The following ARPC3 variants were observed in gnomAD, a reference collection of about 807,000 sequenced individuals.
The protein encoded by ARPC3 is actin-related protein 2/3 complex subunit 3.
Under a neutral mutation model 27.6 loss-of-function variants are expected in ARPC3, and 12 were observed. That is an observed-to-expected ratio of 0.43 (90% CI 0.28 to 0.70). The LOEUF (loss-of-function observed/expected upper bound fraction) is 0.70, where lower values mean the gene tolerates loss of function less well. Ranked by LOEUF, ARPC3 falls within the 30% of genes least tolerant of loss-of-function variation. ARPC3 has a pLI of 0.17. For missense variants in ARPC3, 153 were observed against 207.7 expected, an observed-to-expected ratio of 0.74 and a Z score of 1.62; for synonymous variants, 53 against 67.2, an observed-to-expected ratio of 0.79 and a Z score of 1.03.
Position 110,446,838 on chromosome 12 carries a change from ACCCCATGATCCACCCG to A in ARPC3, c.7-1303_7-1288del, listed in dbSNP as rs553448067. ...TGGTCAGGCTGGTCTCGAACTCCTG[ACCCCATGATCCACCCG>A]CCCCGGCCTCCCAAAGTGCTGGGAT... On this transcript the variant is annotated intron_variant, in intron 1 of 6. Transcript: ENST00000228825. Among the ~76,000 whole-genome samples, 363 of 141,830 alleles carry A rather than the reference ACCCCATGATCCACCCG, an allele frequency of 2.6e-3. 1 individual carries two copies. Among genetic ancestry groups the A allele is most frequent in the African/African-American group, 9.2e-3 (343 of 37,446 alleles). The allele number at this position is 141,830 out of a possible 152,430, so 93.0% of individuals were successfully genotyped here.
intron 2 of ARPC3, among the ~76,000 whole-genome samples, chr12:110,441,809 TC>T (rs1473670530): frequency 6.6e-6 from 1 of 151,690 alleles, no homozygotes; most frequent in African/African-American, 2.4e-5. Flanking sequence ...GACGGGTGGA[TC>T]ACCTGAGGTC....
At chr12:110,445,660 T>C in intron 1 of ARPC3, 109 bp from the exon 2 acceptor site, 1 of 820,916 alleles carries the variant, frequency 1.2e-6, no homozygotes. Flanking sequence ...CAAGATTAAT[T>C]AGGGGAGGGA....
intron 1 of ARPC3, among the ~76,000 whole-genome samples, chr12:110,445,977 G>A (rs997307966): frequency 3.3e-5 from 5 of 151,856 alleles, no homozygotes; most frequent in South Asian, 2.1e-4. Context: ...GGCGGCGTGC[G>A]CCTGTAGTCC....
chr12:110,435,761 T>C (rs553725387), intron 6 of ARPC3, among the ~76,000 whole-genome samples: 26 of 152,232 alleles, frequency 1.7e-4, no homozygotes, highest in South Asian at 8.3e-4. Flanking sequence ...GTAGCTGAGA[T>C]GACAGGTGCA....
At chr12:110,441,806 G>A (rs745658726) in intron 2 of ARPC3, among the ~76,000 whole-genome samples, 26 of 151,868 alleles carry the variant, frequency 1.7e-4, no homozygotes, top group Non-Finnish European at 3.4e-4. Flanking sequence ...CGAGACGGGT[G>A]GATCACCTGA....
intron 3 of ARPC3, among the ~76,000 whole-genome samples, chr12:110,439,916 C>A (rs2135500098): frequency 6.6e-6 from 1 of 152,308 alleles, no homozygotes; most frequent in East Asian, 1.9e-4. Context: ...AAGGGGTTGG[C>A]AAACTTTCTC....
chr12:110,436,261 G>A, intron 5 of ARPC3, 57 bp from the exon 6 acceptor site: 1 of 1,393,830 alleles, frequency 7.2e-7, no homozygotes. Flanking sequence ...AAATGTACTG[G>A]TTGCAGCTCT....
At chr12:110,442,486 T>C (rs1218437242) in intron 2 of ARPC3, among the ~76,000 whole-genome samples, 2 of 152,050 alleles carry the variant, frequency 1.3e-5, no homozygotes, top group Non-Finnish European at 2.9e-5. Context: ...TACGTGCCTG[T>C]AATCCCAGCT....
chr12:110,448,170 G>A (rs2062476583), intron 1 of ARPC3, among the ~76,000 whole-genome samples: 1 of 151,998 alleles, frequency 6.6e-6, no homozygotes, highest in Admixed American at 6.6e-5. Flanking sequence ...ATAAGCCACT[G>A]CACCCAGCCT....
intron 2 of ARPC3, among the ~76,000 whole-genome samples, chr12:110,443,617 G>A (rs1317942510): frequency 2.6e-5 from 4 of 151,966 alleles, no homozygotes; most frequent in Non-Finnish European, 4.4e-5. Flanking sequence ...ATTTTTGGTA[G>A]AGACAGAGTT....
At chr12:110,448,798 G>T (rs2062480867) in intron 1 of ARPC3, among the ~76,000 whole-genome samples, 3 of 123,116 alleles carry the variant, frequency 2.4e-5, no homozygotes, top group Non-Finnish European at 5.1e-5. Context: ...GGGGGTGGTG[G>T]TACAGAGTCT....
chr12:110,447,930 T>A (rs113204006), intron 1 of ARPC3, among the ~76,000 whole-genome samples: 190 of 141,592 alleles, frequency 1.3e-3, no homozygotes, highest in Non-Finnish European at 1.9e-3. Context: ...TTTCCTAGGC[T>A]GGAGTACAGT....
At chr12:110,440,057 T>C (rs758922799) in intron 3 of ARPC3, among the ~76,000 whole-genome samples, 2 of 152,036 alleles carry the variant, frequency 1.3e-5, no homozygotes, top group African/African-American at 4.8e-5. Flanking sequence ...TGTGTTCCAA[T>C]AAAGGTTTAT....
intron 1 of ARPC3, among the ~76,000 whole-genome samples, chr12:110,449,502 T>C (rs527494347): frequency 6.6e-6 from 1 of 152,130 alleles, no homozygotes; most frequent in Admixed American, 6.5e-5. Flanking sequence ...GTGGAAGTTG[T>C]AGTGAGCCGA....
intron 6 of ARPC3, among the ~76,000 whole-genome samples, chr12:110,435,619 C>G (rs889043529): frequency 6.7e-6 from 1 of 149,668 alleles, no homozygotes; most frequent in Non-Finnish European, 1.5e-5. Flanking sequence ...CGTGAGCCAC[C>G]GCGCCTGGCC....
At chr12:110,438,351 A>G (rs28726282) in intron 3 of ARPC3, among the ~76,000 whole-genome samples, 149,148 of 150,574 alleles carry the variant, frequency 0.99, 73,871 homozygotes, top group Middle Eastern at 1. Context: ...TGTAATCCCA[A>G]CACTTTGGAA....
intron 1 of ARPC3, among the ~76,000 whole-genome samples, chr12:110,448,458 C>A (rs1310978169): frequency 6.6e-6 from 1 of 151,922 alleles, no homozygotes; most frequent in Non-Finnish European, 1.5e-5. Flanking sequence ...AGGAGGACTG[C>A]TTGAGCCCAG....
chr12:110,450,130 T>A, intron 1 of ARPC3, 125 bp downstream of exon 1: 1 of 1,390,972 alleles, frequency 7.2e-7, no homozygotes, highest in Non-Finnish European at 1.0e-6. Context: ...TCCCCTCGCC[T>A]CCCTCCTTCT....
chr12:110,436,775 A>AATTCTATC (rs2062408497), intron 4 of ARPC3, 92 bp from the exon 5 acceptor site: 1 of 1,086,964 alleles, frequency 9.2e-7, no homozygotes, highest in South Asian at 1.5e-5. Context: ...GGAAAAGAAG[A>AATTCTATC]ATTCTATCCT....
Sources: gnomAD v4.1 joint callset for allele counts (sites outside exome capture counted in the v4.1 genomes callset) on GRCh38, gnomAD v4.1.1 for gene constraint, MANE v1.5 for transcripts, NCBI Gene and HGNC (gene_info 2026-07-23, HGNC 2026-07-21) for gene names.